The following PCDHGA3 variants were observed in gnomAD, a reference collection of about 807,000 sequenced individuals.
PCDHGA3 encodes protocadherin gamma-A3.
Under a neutral mutation model 58.5 loss-of-function variants are expected in PCDHGA3, and 40 were observed. That is an observed-to-expected ratio of 0.68 (90% CI 0.53 to 0.89). The LOEUF (loss-of-function observed/expected upper bound fraction) is 0.89, where lower values mean the gene tolerates loss of function less well. Ranked by LOEUF, PCDHGA3 falls within the 40% of genes least tolerant of loss-of-function variation. The pLI, the probability that PCDHGA3 is intolerant of heterozygous loss-of-function variation, is 0.00. For synonymous variants in PCDHGA3, 530 were observed against 525.7 expected (o/e 1.01, Z -0.11); for missense variants, 1,223 against 1,195.9 (o/e 1.02, Z -0.33).
At position 141,345,622 on chromosome 5, in the gene PCDHGA3, T is replaced by C; in HGVS notation, c.1589T>C (p.Leu530Pro). 1 of 1,614,160 alleles carries C rather than the reference T, an allele frequency of 6.2e-7. No individual in the cohort carries two copies. The highest frequency in any genetic ancestry group is 1.1e-5 in the South Asian group (1 of 91,076). ...FDYEQFRDLK[L>P]LVTASDSGNP... The stretch of plus-strand genomic sequence containing the variant: ...TACGAGCAATTTAGAGACTTAAAGC[T>C]ACTGGTGACAGCCAGCGACAGCGGG... Residue 530 changes from leucine (L) to proline (P), a missense_variant, in exon 1 of 4, where the codon CTA (leucine) becomes CCA (proline). Transcript: ENST00000253812.
chr5:141,351,705 G>A (rs749976408), intron 1 of PCDHGA3: 2 of 1,613,926 alleles, frequency 1.2e-6, no homozygotes, highest in East Asian at 2.2e-5. Context: ...CCCAACGGCA[G>A]AGTCTCCTAC....
At chr5:141,400,279 G>C (rs1561676065) in intron 1 of PCDHGA3, 1 of 1,614,050 alleles carries the variant, frequency 6.2e-7, no homozygotes, top group African/African-American at 1.3e-5. Context: ...CTCCAGCCCT[G>C]CCGCCTGGAG....
At chr5:141,380,965 A>G (rs575114972) in intron 1 of PCDHGA3, among the ~76,000 whole-genome samples, 2 of 152,370 alleles carry the variant, frequency 1.3e-5, no homozygotes, top group Admixed American at 1.3e-4. Context: ...CAAAAGTACT[A>G]TTAAACAAAT....
At position 141,344,122 on chromosome 5, in the gene PCDHGA3, A is replaced by G. The variant is rs1341800745; in HGVS notation, c.89A>G (p.Gln30Arg). 1 of 1,614,040 alleles carries G rather than the reference A, an allele frequency of 6.2e-7. No individual in the cohort carries two copies. The highest frequency in any genetic ancestry group is 8.5e-7 in the Non-Finnish European group (1 of 1,179,888). The change falls in exon 1 of 4, where the codon CAG (glutamine) becomes CGG (arginine). Residue 30 changes from glutamine to arginine, a missense_variant. By Grantham distance (43) the Gln-to-Arg change is conservative. This residue lies in a region of PCDHGA3 where 791 missense variants were observed against 708.5 expected (regional missense o/e 1.12). Transcript: ENST00000253812. ...LGTLCETGSG[Q>R]IRYSVSEELD... ...ACGCTGTGCGAAACAGGATCCGGTC[A>G]GATCCGCTACTCGGTGTCTGAGGAG...
chr5:141,427,995 G>C (rs1292989797), intron 1 of PCDHGA3: 2 of 1,599,590 alleles, frequency 1.3e-6, no homozygotes, highest in African/African-American at 2.7e-5. Flanking sequence ...CGATGGCTCC[G>C]CACTCTTCGA....
In PCDHGA3 at chr5:141,435,253, G is replaced by A. The variant is rs2097754974; in HGVS notation, c.2425-59554G>A. Among the ~76,000 whole-genome samples the A allele has an allele frequency of 1.3e-5, 2 of 152,064 alleles. 1 individual carries two copies. The highest frequency in any genetic ancestry group is 3.9e-4 in the East Asian group (2 of 5,184). On this transcript the variant is annotated intron_variant, in intron 1 of 3. Transcript: ENST00000253812. ...TTCAGTAATTCTTTCTGGCCATTAG[G>A]GATATGTCCATTTATACTTTCTCAG...
intron 1 of PCDHGA3, chr5:141,389,451 C>T: frequency 6.2e-7 from 1 of 1,610,536 alleles, no homozygotes; most frequent in South Asian, 1.1e-5. Context: ...CCACGAGCAG[C>T]TGCGCGCCTT....
At chr5:141,353,964 AC>A (rs1297694679) in intron 1 of PCDHGA3, among the ~76,000 whole-genome samples, 1 of 152,224 alleles carries the variant, frequency 6.6e-6, no homozygotes, top group Non-Finnish European at 1.5e-5. Context: ...AAGCTTAAGA[AC>A]TGATGTACTG....
intron 1 of PCDHGA3, among the ~76,000 whole-genome samples, chr5:141,475,778 T>C (rs1204790631): frequency 2.0e-5 from 3 of 152,282 alleles, no homozygotes; most frequent in Non-Finnish European, 4.4e-5. Flanking sequence ...GCGCTTTGGC[T>C]GGAAACTCTG....
Position 141,432,736 on chromosome 5 carries a change from G to T in PCDHGA3, c.2425-62071G>T. On this transcript the variant is annotated intron_variant, in intron 1 of 3. Transcript: ENST00000253812. The surrounding 1 kb of genome is among the most constrained non-coding windows in gnomAD (Gnocchi z 6.0). ...AGCCCCCTCTCTCCGCCACTGTCACGCTCACCGTGGCCGTGGCCGACAGCA... is the reference window on the plus strand; with the variant it reads ...AGCCCCCTCTCTCCGCCACTGTCACTCTCACCGTGGCCGTGGCCGACAGCA... The T allele has an allele frequency of 6.2e-7, 1 of 1,614,058 alleles. No individual in the cohort carries two copies. The highest frequency in any genetic ancestry group is 8.5e-7 in the Non-Finnish European group (1 of 1,179,980).
chr5:141,423,184 C>G (rs747938944), intron 1 of PCDHGA3: 3 of 1,613,560 alleles, frequency 1.9e-6, no homozygotes, highest in Non-Finnish European at 2.5e-6. Context: ...CCACGGCCAG[C>G]CCCCTCTCTC....
At chr5:141,356,356 A>T (rs778071643) in intron 1 of PCDHGA3, 2 of 1,556,868 alleles carry the variant, frequency 1.3e-6, no homozygotes, top group South Asian at 1.2e-5. Flanking sequence ...CACATGTTCT[A>T]TTCCAGATAA....
intron 1 of PCDHGA3, chr5:141,372,710 T>C (rs1366946720): frequency 6.2e-7 from 1 of 1,613,996 alleles, no homozygotes; most frequent in Admixed American, 1.7e-5. Context: ...ATATAAAGGC[T>C]GAAAATGCTG....
At chr5:141,427,957 C>A in intron 1 of PCDHGA3, 2 of 1,588,400 alleles carry the variant, frequency 1.3e-6, no homozygotes, top group Non-Finnish European at 1.7e-6. Flanking sequence ...GACAATGTGC[C>A]GCGGGTGCTG....
chr5:141,374,476 C>A, intron 1 of PCDHGA3: 3 of 1,612,124 alleles, frequency 1.9e-6, no homozygotes, highest in Non-Finnish European at 1.7e-6. Context: ...ACAATACACC[C>A]CGATTCTTAA....
intron 1 of PCDHGA3, chr5:141,385,263 T>G: frequency 6.2e-7 from 1 of 1,613,672 alleles, no homozygotes; most frequent in Non-Finnish European, 8.5e-7. Context: ...GTGAGAAAAA[T>G]GATTCTTTGC....
chr5:141,424,055 C>A, intron 1 of PCDHGA3: 2 of 1,007,784 alleles, frequency 2.0e-6, no homozygotes, highest in Non-Finnish European at 1.2e-6. Context: ...TTTTGCTGTG[C>A]CTTCACTGAT....
chr5:141,497,509 C>T (rs1282025317), intron 2 of PCDHGA3, among the ~76,000 whole-genome samples: 1 of 151,184 alleles, frequency 6.6e-6, no homozygotes, highest in Non-Finnish European at 1.5e-5. Flanking sequence ...CTCTCTGCTT[C>T]CTTAGTTAAC....
chr5:141,471,196 C>T (rs59385734), intron 1 of PCDHGA3: 16,293 of 151,632 alleles, frequency 0.11, 894 homozygotes, highest in South Asian at 0.15. Context: ...ATTACAGGCA[C>T]CCACCCCCAT....
Sources: gnomAD v4.1 joint callset for allele counts (sites outside exome capture counted in the v4.1 genomes callset) on GRCh38, gnomAD v4.1.1 for gene constraint, gnomAD v4.1.1 regional missense constraint, Gnocchi (gnomAD v3.1) non-coding constraint, MANE v1.5 for transcripts, NCBI Gene and HGNC (gene_info 2026-07-23, HGNC 2026-07-21) for gene names.